ANKS1B: variants seen among roughly 807,000 people sequenced by gnomAD.
ANKS1B encodes ankyrin repeat and sterile alpha motif domain-containing protein 1B.
A neutral mutation model predicts 148.3 loss-of-function variants in ANKS1B; 36 were observed. The ratio of observed to expected loss-of-function variants is 0.24; its 90% CI spans 0.19 to 0.32. The LOEUF is 0.32. Ranked by LOEUF, ANKS1B falls within the 10% of genes least tolerant of loss-of-function variation. The pLI is 1.00. For synonymous variants in ANKS1B, 542 were observed against 560.8 expected (o/e 0.97, Z 0.47); for missense variants, 1,157 against 1,542.6 (o/e 0.75, Z 4.19).
chr12:99,658,024 G>T (rs938606068), intron 8 of ANKS1B, among the ~76,000 whole-genome samples: 5 of 150,538 alleles, frequency 3.3e-5, no homozygotes, highest in Non-Finnish European at 1.5e-5. Context: ...ATAGTCAAAT[G>T]ATTTTTTAGC....
intron 17 of ANKS1B, among the ~76,000 whole-genome samples, chr12:98,954,170 T>A (rs750319103): frequency 2.6e-5 from 4 of 152,192 alleles, no homozygotes; most frequent in Non-Finnish European, 5.9e-5. Flanking sequence ...TTTAGATACT[T>A]AGATAATACT....
At chr12:99,458,724 CTCTGAACAGA>C (rs1388792617) in intron 10 of ANKS1B, among the ~76,000 whole-genome samples, 1 of 151,476 alleles carries the variant, frequency 6.6e-6, no homozygotes, top group African/African-American at 2.4e-5. Context: ...GAAATAGAAA[CTCTGAACAGA>C]CCAACAACAA....
At chr12:98,843,856 A>ACAT (rs756355081) in intron 17 of ANKS1B, among the ~76,000 whole-genome samples, 5 of 152,220 alleles carry the variant, frequency 3.3e-5, no homozygotes, top group Non-Finnish European at 7.3e-5. Context: ...TCTAAATGAA[A>ACAT]CATCCCTCAA....
chr12:99,495,342 AGTGTGTGT>A lies in ANKS1B; in HGVS notation c.1438+9126_1438+9133del, dbSNP rs56107230. Among the ~76,000 whole-genome samples, 877 of 145,394 alleles carry A rather than the reference AGTGTGTGT, an allele frequency of 6.0e-3. 7 individuals are homozygous for A. Among genetic ancestry groups the A allele is most frequent in the African/African-American group, 0.021 (809 of 39,238 alleles). Reference sequence around the variant, plus strand: ...ACAAAATTGATTTCAGGGGAGAAAAAGTGTGTGTGTGTGTGTGTGTGTGTGTGTGTGTG... The same window carrying A: ...ACAAAATTGATTTCAGGGGAGAAAAAGTGTGTGTGTGTGTGTGTGTGTGTG... On this transcript the variant is annotated intron_variant, in intron 10 of 26. Coordinates refer to ENST00000683438, the MANE Select transcript of ANKS1B (RefSeq NM_001352186.2).
At chr12:98,752,809 A>G (rs7134519) in intron 25 of ANKS1B, among the ~76,000 whole-genome samples, 82,349 of 151,836 alleles carry the variant, frequency 0.54, 24,504 homozygotes, top group African/African-American at 0.8. Flanking sequence ...GAGCACTTCA[A>G]CCTTGCCTGT....
intron 17 of ANKS1B, among the ~76,000 whole-genome samples, chr12:98,960,221 A>G (rs1458682468): frequency 6.6e-6 from 1 of 152,202 alleles, no homozygotes; most frequent in African/African-American, 2.4e-5. Context: ...GCACAGTCCC[A>G]AGGGCAATGG....
rs1187604867 is a variant in ANKS1B at position 99,913,820 on chromosome 12, T to C, written c.134+70284A>G. Among the ~76,000 whole-genome samples the C allele has an allele frequency of 3.3e-5, 5 of 151,894 alleles. No individual in the cohort carries two copies. The East Asian group carries it at 9.6e-4, about 29-fold the overall frequency. The stretch of plus-strand genomic sequence containing the variant: ...ACTAATTAAAGGTGGATAGATTTCA[T>C]ACTGTTAAAAAAAAAACTCAAACAA... On this transcript the variant is annotated intron_variant, in intron 1 of 26. Coordinates refer to ENST00000683438, the MANE Select transcript of ANKS1B (RefSeq NM_001352186.2).
At chr12:99,139,345 C>T (rs2069343089) in intron 15 of ANKS1B, among the ~76,000 whole-genome samples, 1 of 40 alleles carries the variant, frequency 0.025, no homozygotes, top group Non-Finnish European at 0.045. Context: ...TCCCTACCTT[C>T]CCTCCCTCCC....
intron 1 of ANKS1B, among the ~76,000 whole-genome samples, chr12:99,938,143 A>T (rs1243291540): frequency 1.3e-5 from 2 of 152,090 alleles, no homozygotes; most frequent in Admixed American, 1.3e-4. Context: ...TGTTACACAA[A>T]CTTGTCATAC....
chr12:99,491,222 G>A (rs1359899585), intron 10 of ANKS1B, among the ~76,000 whole-genome samples: 23 of 151,924 alleles, frequency 1.5e-4, no homozygotes, highest in Admixed American at 1.4e-3. Flanking sequence ...GGAGAATGGC[G>A]TGAACCTGGG....
At chr12:99,714,899 A>G (rs1036318574) in intron 8 of ANKS1B, among the ~76,000 whole-genome samples, 2 of 151,726 alleles carry the variant, frequency 1.3e-5, no homozygotes, top group Non-Finnish European at 2.9e-5. Context: ...CAGACAGATC[A>G]CTTGAGCTCA....
At chr12:99,684,351 T>C (rs1232006782) in intron 8 of ANKS1B, among the ~76,000 whole-genome samples, 11 of 121,210 alleles carry the variant, frequency 9.1e-5, no homozygotes, top group African/African-American at 3.2e-4. Flanking sequence ...AGAACTCAAC[T>C]CCTTTTACAA....
intron 11 of ANKS1B, among the ~76,000 whole-genome samples, chr12:99,408,938 G>C (rs2094597476): frequency 8.9e-6 from 1 of 112,142 alleles, no homozygotes; most frequent in South Asian, 2.2e-4. Flanking sequence ...GAGAAAAATG[G>C]AGATTTTGGA....
chr12:99,708,356 C>G (rs745634566), intron 8 of ANKS1B, among the ~76,000 whole-genome samples: 2 of 152,170 alleles, frequency 1.3e-5, no homozygotes, highest in African/African-American at 2.4e-5. Flanking sequence ...TCTACAGGTA[C>G]TGCTTGGATC....
At chr12:99,737,449 A>G (rs895822926) in intron 8 of ANKS1B, among the ~76,000 whole-genome samples, 7 of 152,098 alleles carry the variant, frequency 4.6e-5, no homozygotes, top group Non-Finnish European at 7.4e-5. Flanking sequence ...GACAAACATA[A>G]TATCACATTT....
intron 8 of ANKS1B, among the ~76,000 whole-genome samples, chr12:99,683,307 A>T (rs1285359971): frequency 3.9e-5 from 6 of 152,196 alleles, no homozygotes; most frequent in African/African-American, 1.2e-4. Flanking sequence ...ATTACAATAG[A>T]TATCACAGAA....
chr12:99,610,416 A>G (rs1203321031), intron 9 of ANKS1B, among the ~76,000 whole-genome samples: 1 of 152,108 alleles, frequency 6.6e-6, no homozygotes, highest in Non-Finnish European at 1.5e-5. Context: ...CATTAGACAA[A>G]GTAGGTCACA....
intron 17 of ANKS1B, chr12:98,895,194 A>C (rs2099762352): frequency 9.1e-6 from 9 of 984,728 alleles, no homozygotes; most frequent in Non-Finnish European, 1.1e-5. Flanking sequence ...CGGGGGCTGC[A>C]GGGCGCCTAG....
intron 9 of ANKS1B, among the ~76,000 whole-genome samples, chr12:99,618,760 C>T (rs904754638): frequency 3.9e-5 from 6 of 152,010 alleles, no homozygotes; most frequent in African/African-American, 1.4e-4. Flanking sequence ...TTTTCCCAGA[C>T]CCAGGACTGA....
Sources: allele counts gnomAD v4.1 joint callset (sites outside exome capture counted in the v4.1 genomes callset), GRCh38; gene constraint gnomAD v4.1.1; transcripts MANE v1.5; gene names NCBI Gene and HGNC (gene_info 2026-07-23, HGNC 2026-07-21).